Variants in MAX observed in about 807,000 individuals in gnomAD.
MAX encodes protein max.
A neutral mutation model predicts 22.3 loss-of-function variants in MAX; 3 were observed. That is an observed-to-expected ratio of 0.13 (90% CI 0.06 to 0.35). The LOEUF (loss-of-function observed/expected upper bound fraction) is 0.35, where lower values mean the gene tolerates loss of function less well. Among genes scored for constraint, MAX ranks in the 10% least tolerant of loss-of-function variants. The pLI is 1.00. For synonymous variants in MAX, 72 were observed against 77.7 expected (o/e 0.93, Z 0.39); for missense variants, 119 against 209.4 (o/e 0.57, Z 2.66).
Position 65,078,177 on chromosome 14 carries a change from C to T in MAX, c.172-141G>A, listed in dbSNP as rs547375244. On this transcript the variant is annotated intron_variant, in intron 3 of 4. Transcript: ENST00000358664. The surrounding 1 kb of genome is among the most constrained non-coding windows in gnomAD (Gnocchi z 6.4). The stretch of plus-strand genomic sequence containing the variant: ...AAAGGCTGAAGAAATACAATAATGG[C>T]TACTGTAGGCTTTATTTATTTATTT... The T allele has an allele frequency of 2.2e-5, 17 of 773,518 alleles. No individual in the cohort carries two copies. Among genetic ancestry groups the T allele is most frequent in the Non-Finnish European group, 3.6e-5 (17 of 467,104 alleles). 47.9% of individuals were successfully genotyped at this position (773,518 alleles called of 1,614,324 possible).
rs1322567315 is a variant in MAX at position 65,069,811 on chromosome 14, G to T, written c.171+23897C>A. Among the ~76,000 whole-genome samples, 1 of 152,244 alleles carries T rather than the reference G, an allele frequency of 6.6e-6. No individual in the cohort carries two copies. Among genetic ancestry groups the T allele is most frequent in the African/African-American group, 2.4e-5 (1 of 41,474 alleles). On this transcript the variant is annotated intron_variant, in intron 3 of 3. Coordinates refer to the MAX transcript ENST00000341653. This position sits in a 1 kb window ranked among gnomAD's most constrained non-coding sequence, Gnocchi z 4.6. ...CACCACTCTCTGCACAGAGGTCCCTGGATGGGAAACATGGTCAAGTTGTTG... is the reference window on the plus strand; with the variant it reads ...CACCACTCTCTGCACAGAGGTCCCTTGATGGGAAACATGGTCAAGTTGTTG...
chr14:65,028,792 C>T lies in MAX; in HGVS notation c.172-22508G>A, dbSNP rs550713829. 2.6e-5 allele frequency among the ~76,000 whole-genome samples: 4 copies of T among 152,274 alleles called. No individual in the cohort carries two copies. The highest frequency in any genetic ancestry group is 1.3e-4 in the Admixed American group (2 of 15,292). On this transcript the variant is annotated intron_variant, in intron 3 of 3. Coordinates refer to the MAX transcript ENST00000341653. The surrounding 1 kb of genome is among the most constrained non-coding windows in gnomAD (Gnocchi z 4.4). ...GGTAAATCAGTATGTGTTGATTCTTCTTAAGGAAAATGTTAAAAGAGTTTT... is the reference window on the plus strand; with the variant it reads ...GGTAAATCAGTATGTGTTGATTCTTTTTAAGGAAAATGTTAAAAGAGTTTT...
chr14:65,046,481 G>A (rs1163417442), intron 3 of MAX, among the ~76,000 whole-genome samples: 1 of 152,214 alleles, frequency 6.6e-6, no homozygotes, highest in Non-Finnish European at 1.5e-5. Context: ...GGGGCTGCTG[G>A]TTAATTGTTT....
chr14:65,032,991 G>A lies in MAX; in HGVS notation c.172-26707C>T, dbSNP rs2062115160. Among the ~76,000 whole-genome samples the A allele has an allele frequency of 6.6e-6, 1 of 152,264 alleles. No homozygotes were observed. The highest frequency in any genetic ancestry group is 2.1e-4 in the South Asian group (1 of 4,824). On this transcript the variant is annotated intron_variant, in intron 3 of 3. Coordinates refer to the MAX transcript ENST00000341653. This position sits in a 1 kb window ranked among gnomAD's most constrained non-coding sequence, Gnocchi z 5.0. ...AGAGCAATTTGACAGTATGTCAAAG[G>A]TGCCCTTGCGTAGGACCCAGTAATT...
chr14:65,006,168 T>TTC (rs772406275), downstream of MAX: 1 of 1,607,588 alleles, frequency 6.2e-7, no homozygotes, highest in South Asian at 1.1e-5. Context: ...TTTTTTTTTT[T>TTC]TTTTTGCCAC....
chr14:65,042,460 C>T (rs531268425), intron 3 of MAX, among the ~76,000 whole-genome samples: 10 of 152,088 alleles, frequency 6.6e-5, no homozygotes, highest in African/African-American at 9.7e-5. Context: ...GTAGGGTTTG[C>T]GCTCCTATGA....
chr14:65,075,161 G>A lies in MAX; in HGVS notation c.*1315C>T, dbSNP rs2063026253. On this transcript the variant is annotated 3_prime_UTR_variant, in exon 5 of 5. Coordinates refer to ENST00000358664, the MANE Select transcript of MAX (RefSeq NM_002382.5). The surrounding 1 kb of genome is among the most constrained non-coding windows in gnomAD (Gnocchi z 4.1). Reference sequence around the variant, plus strand: ...ATAAGTTTTTATTTATAGTCTTATAGTAAAGGGGGAAGCCTTAACTTGCAA... The same window carrying A: ...ATAAGTTTTTATTTATAGTCTTATAATAAAGGGGGAAGCCTTAACTTGCAA... 1 of 1,029,732 alleles carries A rather than the reference G, an allele frequency of 9.7e-7. No individual in the cohort carries two copies. Among genetic ancestry groups the A allele is most frequent in the African/African-American group, 1.7e-5 (1 of 59,082 alleles). The allele number at this position is 1,029,732 out of a possible 1,614,324, so 63.8% of individuals were successfully genotyped here.
At chr14:65,021,053 A>G (rs1312371503) in intron 3 of MAX, among the ~76,000 whole-genome samples, 1 of 152,204 alleles carries the variant, frequency 6.6e-6, no homozygotes, top group East Asian at 1.9e-4. Flanking sequence ...TTAAGAGGTT[A>G]TATGCACACA....
intron 3 of MAX, among the ~76,000 whole-genome samples, chr14:65,013,204 TC>T (rs1202112403): frequency 2.0e-5 from 3 of 152,182 alleles, no homozygotes; most frequent in African/African-American, 7.2e-5. Flanking sequence ...GCAGCATAAA[TC>T]AGTGAAGTGG....
At position 65,093,553 on chromosome 14, in the gene MAX, G is replaced by A; in HGVS notation, c.171+155C>T. On this transcript the variant is annotated intron_variant, in intron 3 of 4. Coordinates refer to ENST00000358664, the MANE Select transcript of MAX (RefSeq NM_002382.5). The surrounding 1 kb of genome is among the most constrained non-coding windows in gnomAD (Gnocchi z 4.4). The stretch of plus-strand genomic sequence containing the variant: ...AAGGATAAACTGGAGTACGTAAGGT[G>A]TGCAGTGATCCTCCAAACAGTCAAA... 1 of 686,296 alleles carries A rather than the reference G, an allele frequency of 1.5e-6. No individual in the cohort carries two copies. Among genetic ancestry groups the A allele is most frequent in the South Asian group, 1.5e-5 (1 of 64,962 alleles). 42.5% of individuals were successfully genotyped at this position (686,296 alleles called of 1,614,324 possible).
chr14:65,022,026 A>T (rs763236852), intron 3 of MAX: 7 of 455,926 alleles, frequency 1.5e-5, no homozygotes, highest in Admixed American at 1.4e-4. Context: ...TGAAGAGTCA[A>T]ATAACACGTC....
intron 3 of MAX, among the ~76,000 whole-genome samples, chr14:65,048,778 C>G (rs1354944542): frequency 1.3e-5 from 2 of 152,092 alleles, no homozygotes; most frequent in African/African-American, 4.8e-5. Flanking sequence ...TCACTTGAGT[C>G]TGGGAGGCAG....
chr14:65,075,815 G>A lies in MAX; in HGVS notation c.*661C>T. On this transcript the variant is annotated 3_prime_UTR_variant, in exon 5 of 5. Coordinates refer to ENST00000358664, the MANE Select transcript of MAX (RefSeq NM_002382.5). This position sits in a 1 kb window ranked among gnomAD's most constrained non-coding sequence, Gnocchi z 4.1. The stretch of plus-strand genomic sequence containing the variant: ...GGCCCTCCGTGAGGCTGGCGCCGCA[G>A]GCTTAAACAGCTGGCTGAGAGAAGC... 1 of 1,067,210 alleles carries A rather than the reference G, an allele frequency of 9.4e-7. No homozygotes were observed. Among genetic ancestry groups the A allele is most frequent in the Non-Finnish European group, 1.1e-6 (1 of 880,432 alleles). 66.1% of individuals were successfully genotyped at this position (1,067,210 alleles called of 1,614,324 possible). A position where few individuals can be genotyped will look rare whatever the true frequency, so the allele number is the denominator to read the frequency against.
Position 65,027,591 on chromosome 14 carries a change from CATT to C in MAX, c.172-21310_172-21308del. On this transcript the variant is annotated intron_variant, in intron 3 of 3. Coordinates refer to the MAX transcript ENST00000341653. The surrounding 1 kb of genome is among the most constrained non-coding windows in gnomAD (Gnocchi z 5.7). ...TTGGCACCGAGGAGGCCTATGACAT[CATT>C]AACAGGTACAGTGAAAGCCAGCAGT... is the stretch of plus-strand genomic sequence containing the variant. 6.2e-7 allele frequency: 1 copy of C among 1,614,130 alleles called. No individual in the cohort carries two copies.
chr14:65,053,625 T>TAAAAAAAAAACAAAA (rs201558638), intron 3 of MAX, among the ~76,000 whole-genome samples: 2,221 of 146,002 alleles, frequency 0.015, 21 homozygotes, highest in Admixed American at 0.021. Context: ...CTTCTTTTTT[T>TAAAAAAAAAACAAAA]TAAAAAAAAC....
Position 65,057,350 on chromosome 14 carries a change from G to GC in MAX, c.171+36357dup. Among the ~76,000 whole-genome samples the GC allele has an allele frequency of 2.0e-5, 3 of 152,244 alleles. No homozygotes were observed. The South Asian group carries it at 6.2e-4, about 32-fold the overall frequency. On this transcript the variant is annotated intron_variant, in intron 3 of 3. Transcript: ENST00000341653. ...AGGCTGAGGTGGGAGAATCGCTTGA[G>GC]CCCAGGTAGTCAAGGCTGCAGTGAG...
chr14:65,057,655 A>C lies in MAX; in HGVS notation c.171+36053T>G, dbSNP rs138933772. 2.8e-3 allele frequency among the ~76,000 whole-genome samples: 431 copies of C among 152,348 alleles called. 1 individual carries two copies. Among genetic ancestry groups the C allele is most frequent in the African/African-American group, 0.01 (418 of 41,592 alleles). ...GAACAAGGCAATGCAGCAAGTCATT[A>C]AGTGTAACTTCTTCTAAATAGTCTA... On this transcript the variant is annotated intron_variant, in intron 3 of 3. Transcript: ENST00000341653.
chr14:65,038,938 C>G (rs1222174395), intron 3 of MAX, among the ~76,000 whole-genome samples: 1 of 152,104 alleles, frequency 6.6e-6, no homozygotes, highest in Non-Finnish European at 1.5e-5. Context: ...TTTGTCCTCT[C>G]AATAGTCTTA....
intron 3 of MAX, among the ~76,000 whole-genome samples, chr14:65,020,962 T>C (rs2061875609): frequency 6.6e-6 from 1 of 151,984 alleles, no homozygotes; most frequent in African/African-American, 2.4e-5. Flanking sequence ...ACTCCTGACC[T>C]CAGGTGATAC....
Sources: gnomAD v4.1 joint callset for allele counts (sites outside exome capture counted in the v4.1 genomes callset) on GRCh38, gnomAD v4.1.1 for gene constraint, Gnocchi (gnomAD v3.1) non-coding constraint, MANE v1.5 for transcripts, NCBI Gene and HGNC (gene_info 2026-07-23, HGNC 2026-07-21) for gene names.